Variants in UTY observed in about 807,000 individuals in gnomAD.
The protein encoded by UTY is ubiquitously transcribed tetratricopeptide repeat containing, Y-linked, also known as histone demethylase UTY.
Under a neutral mutation model 32.5 loss-of-function variants are expected in UTY, and 12 were observed. The ratio of observed to expected loss-of-function variants is 0.37; its 90% confidence interval spans 0.24 to 0.60. UTY has a LOEUF of 0.60. Ranked by LOEUF, UTY falls within the 20% of genes least tolerant of loss-of-function variation. UTY has a pLI of 0.69. For synonymous variants in UTY, 131 were observed against 103.4 expected, an observed-to-expected ratio of 1.27 and a Z score of -1.62; for missense variants, 303 against 299.2, an observed-to-expected ratio of 1.01 and a Z score of -0.09.
intron 17 of UTY, among the ~76,000 whole-genome samples, chrY:13,352,148 CCT>C (rs2062447702): frequency 9.2e-5 from 3 of 32,731 alleles, no homozygotes; most frequent in Non-Finnish European, 1.5e-4. Flanking sequence ...TATTTTTTTC[CCT>C]CTCTTCAGAC....
At chrY:13,266,944 G>C in intron 27 of UTY, among the ~76,000 whole-genome samples, 2 of 32,910 alleles carry the variant, frequency 6.1e-5, no homozygotes, top group South Asian at 6.9e-4. Flanking sequence ...CAGTTTCAAA[G>C]TAAGTGCAAT....
At chrY:13,421,893 C>T (rs975177180) in intron 4 of UTY, among the ~76,000 whole-genome samples, 2 of 33,044 alleles carry the variant, frequency 6.1e-5, no homozygotes, top group African/African-American at 1.2e-4. Context: ...AACAAAGTTT[C>T]ACATGTGCCC....
chrY:13,346,365 A>T, intron 17 of UTY, among the ~76,000 whole-genome samples: 1 of 33,672 alleles, frequency 3.0e-5, no homozygotes, highest in Non-Finnish European at 7.4e-5. Context: ...GCCCAATGCA[A>T]CACTTTAGGT....
At chrY:13,273,714 A>G in intron 27 of UTY, among the ~76,000 whole-genome samples, 1 of 32,158 alleles carries the variant, frequency 3.1e-5, no homozygotes, top group East Asian at 7.6e-4. Context: ...GCTTTAAGGT[A>G]AATTTAGTAA....
chrY:13,402,918 T>C, intron 6 of UTY, among the ~76,000 whole-genome samples: 2 of 33,904 alleles, frequency 5.9e-5, no homozygotes, highest in Admixed American at 5.3e-4. Context: ...CATTTTTTCC[T>C]TCACATTCTA....
intron 3 of UTY, among the ~76,000 whole-genome samples, chrY:13,465,526 T>C (rs2077822241): frequency 2.9e-5 from 1 of 34,100 alleles, no homozygotes; most frequent in Non-Finnish European, 7.3e-5. Context: ...CAATGATTTA[T>C]AACATTAATC....
intron 29 of UTY, 152 bp downstream of exon 29, chrY:13,250,865 G>T: frequency 7.3e-6 from 1 of 137,094 alleles, no homozygotes; most frequent in Non-Finnish European, 1.2e-5. Context: ...CGTGAAATAC[G>T]AGGATGGCTA....
chrY:13,346,797 A>G (rs373381260), intron 17 of UTY, among the ~76,000 whole-genome samples: 5 of 33,306 alleles, frequency 1.5e-4, no homozygotes, highest in East Asian at 7.9e-4. Context: ...TCCCAACACT[A>G]TATCAATCAT....
intron 4 of UTY, among the ~76,000 whole-genome samples, chrY:13,434,838 T>C (rs2074383537): frequency 3.0e-5 from 1 of 33,811 alleles, no homozygotes; most frequent in African/African-American, 1.2e-4. Context: ...AGGGGAGGGA[T>C]ATCAACGCCT....
At chrY:13,268,179 G>A (rs890194941) in intron 27 of UTY, among the ~76,000 whole-genome samples, 1 of 32,382 alleles carries the variant, frequency 3.1e-5, no homozygotes, top group South Asian at 7.0e-4. Flanking sequence ...ATGTATGTTC[G>A]GTCTTTTCAC....
intron 18 of UTY, among the ~76,000 whole-genome samples, chrY:13,331,320 G>C (rs1030127481): frequency 9.1e-5 from 3 of 33,074 alleles, no homozygotes; most frequent in Non-Finnish European, 2.2e-4. Context: ...CTGATACCCA[G>C]GCAAAAAGGG....
intron 27 of UTY, among the ~76,000 whole-genome samples, chrY:13,277,385 A>C (rs758256079): frequency 8.9e-5 from 3 of 33,746 alleles, no homozygotes; most frequent in African/African-American, 3.5e-4. Context: ...CAGGAACACC[A>C]AACTGATCAA....
intron 4 of UTY, among the ~76,000 whole-genome samples, chrY:13,442,804 T>C: frequency 3.0e-5 from 1 of 33,462 alleles, no homozygotes; most frequent in African/African-American, 1.2e-4. Flanking sequence ...GCCCCCCAGG[T>C]AGGTGGCTGG....
chrY:13,445,244 AATATATATATATATATATATATATATAT>A (rs60043171), intron 4 of UTY, among the ~76,000 whole-genome samples: 1 of 5,240 alleles, frequency 1.9e-4, no homozygotes, highest in Non-Finnish European at 3.8e-4. Flanking sequence ...TTTTTAAAAT[AATATATATATATATATATATATATATAT>A]ATATATATAT....
intron 20 of UTY, 44 bp downstream of exon 20, chrY:13,324,557 T>C: frequency 5.9e-6 from 2 of 340,159 alleles, no homozygotes; most frequent in East Asian, 1.0e-4. Context: ...TTATAAAAGT[T>C]TAAAGATAGT....
At chrY:13,411,307 T>C in intron 5 of UTY, among the ~76,000 whole-genome samples, 194 bp from the exon 6 acceptor site, 1 of 33,478 alleles carries the variant, frequency 3.0e-5, no homozygotes, top group Non-Finnish European at 7.4e-5. Flanking sequence ...CCGTCAACTA[T>C]TCAAAAATAT....
intron 3 of UTY, among the ~76,000 whole-genome samples, chrY:13,458,150 A>G (rs767375810): frequency 1.2e-4 from 4 of 34,180 alleles, no homozygotes; most frequent in African/African-American, 4.5e-4. Flanking sequence ...CATGTCTATA[A>G]AAAGTAAAAA....
intron 4 of UTY, among the ~76,000 whole-genome samples, chrY:13,446,883 A>G (rs2075952165): frequency 3.1e-5 from 1 of 32,623 alleles, no homozygotes; most frequent in Admixed American, 2.9e-4. Context: ...CTACAAAGTT[A>G]CACTAATTAA....
intron 7 of UTY, among the ~76,000 whole-genome samples, chrY:13,394,359 T>C (rs2067902557): frequency 3.0e-5 from 1 of 33,687 alleles, no homozygotes; most frequent in Non-Finnish European, 7.4e-5. Context: ...TATTAACAAC[T>C]TTTTTTAAGT....
Sources: gnomAD v4.1 joint callset for allele counts (sites outside exome capture counted in the v4.1 genomes callset) on GRCh38, gnomAD v4.1.1 for gene constraint, MANE v1.5 for transcripts, NCBI Gene and HGNC (gene_info 2026-07-23, HGNC 2026-07-21) for gene names.